The following PRELID2 variants were observed in gnomAD, a reference collection of about 807,000 sequenced individuals.
The protein encoded by PRELID2 is PRELI domain-containing protein 2.
In PRELID2, 25 loss-of-function variants were observed where a neutral mutation model predicts 28.4. That is an observed-to-expected ratio of 0.88 (90% CI 0.64 to 1.23). PRELID2 has a LOEUF of 1.23. PRELID2 is among the 50% of genes most tolerant of loss of function. The probability of loss-of-function intolerance (pLI) is 0.00; values close to 1 mark genes in which losing one functional copy is unlikely to be tolerated. For synonymous variants in PRELID2, 76 were observed against 71.6 expected (o/e 1.06, Z -0.31); for missense variants, 201 against 214.4 (o/e 0.94, Z 0.39).
Position 145,727,499 on chromosome 5 carries a change from C to T in PRELID2, n.70+37432G>A, listed in dbSNP as rs187347553. 2.7e-3 allele frequency among the ~76,000 whole-genome samples: 411 copies of T among 152,262 alleles called. 2 individuals carry two copies. Among genetic ancestry groups the T allele is most frequent in the African/African-American group, 9.4e-3 (389 of 41,540 alleles). ...AATACTCAGCTTTCCTCTCAACATGCCCCCCTTTTCTTTTTCATAAAACCA... is the reference window on the plus strand; with the variant it reads ...AATACTCAGCTTTCCTCTCAACATGTCCCCCTTTTCTTTTTCATAAAACCA... On this transcript the variant is annotated intron_variant and non_coding_transcript_variant, in intron 1 of 2. Coordinates refer to the PRELID2 transcript ENST00000510259.
chr5:145,649,462 A>C (rs1313736130), intron 1 of PRELID2, among the ~76,000 whole-genome samples: 1 of 152,248 alleles, frequency 6.6e-6, no homozygotes, highest in Non-Finnish European at 1.5e-5. Flanking sequence ...GACCAGTCTA[A>C]GTTATGATGT....
intron 1 of PRELID2, among the ~76,000 whole-genome samples, chr5:145,619,115 C>A (rs1268170268): frequency 6.6e-6 from 1 of 152,176 alleles, no homozygotes; most frequent in Non-Finnish European, 1.5e-5. Flanking sequence ...CGCCTCCCAG[C>A]TGTGAAAGAA....
chr5:145,229,099 C>T, the PRELID2 span: 4 of 1,464,328 alleles, frequency 2.7e-6, no homozygotes, highest in Non-Finnish European at 3.8e-6. Flanking sequence ...CTCACCAGGC[C>T]CTGCATCGCC....
At chr5:145,289,764 ACTGT>A in the PRELID2 span, among the ~76,000 whole-genome samples, 7 of 152,270 alleles carry the variant, frequency 4.6e-5, no homozygotes, top group Admixed American at 4.6e-4. Context: ...AGAAAATGGT[ACTGT>A]CTGTTTTATC....
chr5:145,374,031 C>A, the PRELID2 span, among the ~76,000 whole-genome samples: 1 of 149,120 alleles, frequency 6.7e-6, no homozygotes, highest in African/African-American at 2.5e-5. Context: ...CACCATGATA[C>A]CATCTGGTTA....
At chr5:145,289,952 G>A in the PRELID2 span, among the ~76,000 whole-genome samples, 1 of 152,060 alleles carries the variant, frequency 6.6e-6, no homozygotes, top group Non-Finnish European at 1.5e-5. Flanking sequence ...TGGGTTGTTT[G>A]TTTTCTTATC....
intron 1 of PRELID2, among the ~76,000 whole-genome samples, chr5:145,596,852 G>C (rs1273426533): frequency 6.6e-6 from 1 of 152,120 alleles, no homozygotes. Context: ...TTGAGAAGCA[G>C]AATTAAAATA....
intron 1 of PRELID2, among the ~76,000 whole-genome samples, chr5:145,654,773 C>A (rs1238864962): frequency 2.0e-5 from 3 of 152,092 alleles, no homozygotes; most frequent in Non-Finnish European, 4.4e-5. Flanking sequence ...CTATTTATGA[C>A]AAACCCACAG....
chr5:145,696,156 C>CTT (rs10591669), intron 1 of PRELID2, among the ~76,000 whole-genome samples: 27 of 59,960 alleles, frequency 4.5e-4, no homozygotes, highest in South Asian at 7.9e-4. Flanking sequence ...TAAATAATAG[C>CTT]TTTTTTTTTT....
intron 1 of PRELID2, among the ~76,000 whole-genome samples, chr5:145,616,301 G>A (rs541332677): frequency 6.6e-6 from 1 of 152,224 alleles, no homozygotes; most frequent in African/African-American, 2.4e-5. Context: ...GCAAGGCCAG[G>A]GAAGTTTTCC....
intron 1 of PRELID2, among the ~76,000 whole-genome samples, chr5:145,618,667 A>C (rs1256087972): frequency 1.3e-5 from 2 of 152,198 alleles, no homozygotes; most frequent in African/African-American, 4.8e-5. Flanking sequence ...GCCTCCTGCC[A>C]GGAGGTGATG....
the PRELID2 span, among the ~76,000 whole-genome samples, chr5:145,463,047 T>A: frequency 6.6e-6 from 1 of 152,180 alleles, no homozygotes; most frequent in Admixed American, 6.5e-5. Context: ...AAAGTTTGAT[T>A]TGAAATTTTA....
At chr5:145,318,583 G>A in the PRELID2 span, among the ~76,000 whole-genome samples, 1 of 152,166 alleles carries the variant, frequency 6.6e-6, no homozygotes. Context: ...GTGCAACAGG[G>A]GTGTGGCTTG....
the PRELID2 span, among the ~76,000 whole-genome samples, chr5:145,442,492 T>C: frequency 1.3e-5 from 2 of 151,944 alleles, no homozygotes; most frequent in Non-Finnish European, 2.9e-5. Flanking sequence ...TGAGAAATAA[T>C]AGACACACAC....
chr5:145,424,696 A>G, the PRELID2 span, among the ~76,000 whole-genome samples: 101,454 of 152,086 alleles, frequency 0.67, 34,379 homozygotes, highest in Admixed American at 0.72. Flanking sequence ...TGTCGCTCAC[A>G]CTGGGAGCTG....
the PRELID2 span, among the ~76,000 whole-genome samples, chr5:145,289,564 A>G: frequency 6.6e-6 from 1 of 152,192 alleles, no homozygotes; most frequent in Non-Finnish European, 1.5e-5. Context: ...AAATATTTGC[A>G]TGCAGACATC....
the PRELID2 span, among the ~76,000 whole-genome samples, chr5:145,290,435 T>C: frequency 6.6e-6 from 1 of 152,014 alleles, no homozygotes; most frequent in South Asian, 2.1e-4. Flanking sequence ...AAAGGATGAG[T>C]TCACGTCCTT....
the PRELID2 span, among the ~76,000 whole-genome samples, chr5:145,261,146 C>T: frequency 1.3e-5 from 2 of 152,138 alleles, no homozygotes; most frequent in Non-Finnish European, 1.5e-5. Flanking sequence ...TCCCATCCCC[C>T]ACAGCAGCTG....
At chr5:145,625,722 C>G (rs2149654861) in intron 1 of PRELID2, among the ~76,000 whole-genome samples, 1 of 152,254 alleles carries the variant, frequency 6.6e-6, no homozygotes, top group East Asian at 1.9e-4. Context: ...GCCTCTGGCA[C>G]TGTCAGAAAA....
Sources: gnomAD v4.1 joint callset for allele counts (sites outside exome capture counted in the v4.1 genomes callset) on GRCh38, gnomAD v4.1.1 for gene constraint, MANE v1.5 for transcripts, NCBI Gene and HGNC (gene_info 2026-07-23, HGNC 2026-07-21) for gene names.